The following RGS3 variants were observed in gnomAD, a reference collection of about 807,000 sequenced individuals.
RGS3 encodes regulator of G-protein signalling 3.
Under a neutral mutation model 132.6 loss-of-function variants are expected in RGS3, and 80 were observed. That is an observed-to-expected ratio of 0.60 (90% CI 0.50 to 0.73). RGS3 has a LOEUF of 0.73. Ranked by LOEUF, RGS3 falls within the 30% of genes least tolerant of loss-of-function variation. The pLI is 0.00. For missense variants in RGS3, 1,382 were observed against 1,530.8 expected, an observed-to-expected ratio of 0.90 and a Z score of 1.62; for synonymous variants, 598 against 620.6, an observed-to-expected ratio of 0.96 and a Z score of 0.54.
At chr9:113,575,061 C>A (rs1364532591) in intron 19 of RGS3, among the ~76,000 whole-genome samples, 6 of 152,098 alleles carry the variant, frequency 3.9e-5, no homozygotes, top group Non-Finnish European at 8.8e-5. Context: ...GGAGAAGGGA[C>A]CTGGTGAGGG....
At chr9:113,536,844 A>C (rs1331007460) in exon 19 of RGS3, 4 of 1,614,020 alleles carry the variant, frequency 2.5e-6, no homozygotes, top group Non-Finnish European at 3.4e-6. Context: ...GGAGCAGAAG[A>C]AGAGAGTGTG....
intron 19 of RGS3, among the ~76,000 whole-genome samples, chr9:113,546,801 G>A (rs1833136172): frequency 6.6e-6 from 1 of 152,226 alleles, no homozygotes; most frequent in African/African-American, 2.4e-5. Flanking sequence ...AGCTGCTGCT[G>A]TAGGTTGCGG....
intron 19 of RGS3, chr9:113,542,224 G>T (rs374722990): frequency 1.3e-5 from 2 of 152,220 alleles, no homozygotes; most frequent in Non-Finnish European, 2.9e-5. Context: ...GGAATAGCAC[G>T]TGGAGAGTCC....
intron 1 of RGS3, among the ~76,000 whole-genome samples, chr9:113,446,250 C>G (rs988122719): frequency 2.6e-5 from 4 of 152,004 alleles, no homozygotes; most frequent in Non-Finnish European, 4.4e-5. Context: ...ATTCATTTGT[C>G]CTTGTATATA....
chr9:113,590,949 A>G (rs1451275823), intron 20 of RGS3, among the ~76,000 whole-genome samples: 1 of 152,202 alleles, frequency 6.6e-6, no homozygotes, highest in Non-Finnish European at 1.5e-5. Context: ...TATGATCCTG[A>G]TTTTAGAAAT....
chr9:113,524,815 C>T (rs1366647710), intron 17 of RGS3, among the ~76,000 whole-genome samples: 1 of 152,202 alleles, frequency 6.6e-6, no homozygotes, highest in East Asian at 1.9e-4. Flanking sequence ...CCTCTGGGGG[C>T]CTGGTTGGGG....
chr9:113,576,988 G>A (rs4979259), intron 19 of RGS3, among the ~76,000 whole-genome samples: 140,639 of 152,302 alleles, frequency 0.92, 65,092 homozygotes, highest in East Asian at 1. Flanking sequence ...TTAATTTTTT[G>A]ATTTTTTACT....
chr9:113,568,630 G>A (rs960050218), intron 19 of RGS3, among the ~76,000 whole-genome samples: 7 of 152,240 alleles, frequency 4.6e-5, no homozygotes, highest in South Asian at 2.1e-4. Flanking sequence ...AGGAGCCTTC[G>A]CATGCAAGCT....
At chr9:113,522,214 G>C (rs1181214704) in intron 16 of RGS3, 2 of 152,206 alleles carry the variant, frequency 1.3e-5, no homozygotes, top group African/African-American at 4.8e-5. Flanking sequence ...TAGAGTGTGA[G>C]TAACTGGCTG....
At chr9:113,596,774 C>G (rs1835801819) in exon 25 of RGS3, 1 of 1,609,406 alleles carries the variant, frequency 6.2e-7, no homozygotes, top group Non-Finnish European at 8.5e-7. Flanking sequence ...CCAGGTCAAC[C>G]TGGACTCCTA....
At chr9:113,559,479 G>C (rs868021759) in intron 19 of RGS3, among the ~76,000 whole-genome samples, 1 of 152,220 alleles carries the variant, frequency 6.6e-6, no homozygotes, top group African/African-American at 2.4e-5. Context: ...TCTGTAGGGG[G>C]ACATTTGGTC....
intron 18 of RGS3, among the ~76,000 whole-genome samples, chr9:113,534,664 T>A (rs2118585469): frequency 6.7e-6 from 1 of 148,284 alleles, no homozygotes. Context: ...CAGGCTGGAG[T>A]GCAGTGGCAC....
chr9:113,507,740 G>T lies in RGS3; in HGVS notation c.1437+102G>T. The T allele has an allele frequency of 1.0e-6, 1 of 984,754 alleles. No homozygotes were observed. The highest frequency in any genetic ancestry group is 1.4e-6 in the Non-Finnish European group (1 of 694,612). The allele number at this position is 984,754 out of a possible 1,614,324, so 61.0% of individuals were successfully genotyped here. ...TTGTGTGATGAGCAGCCTGTGAGGG[G>T]CTGCGATGTTGGGCAAGGAGATGGG... On this transcript the variant is annotated intron_variant, in intron 13 of 24. Coordinates refer to ENST00000350696, the Ensembl canonical transcript of RGS3. The surrounding 1 kb of genome is among the most constrained non-coding windows in gnomAD (Gnocchi z 5.0).
At chr9:113,461,800 C>T (rs1001866227) in exon 2 of RGS3, 5 of 1,614,152 alleles carry the variant, frequency 3.1e-6, no homozygotes, top group Admixed American at 1.7e-5. Context: ...CCTCTGGAGC[C>T]CAAGATAGTC....
chr9:113,456,460 C>T (rs1008699911), upstream of RGS3, among the ~76,000 whole-genome samples: 4 of 152,200 alleles, frequency 2.6e-5, no homozygotes, highest in African/African-American at 9.7e-5. Context: ...ATTTCTCAAG[C>T]CAGAATTCCT....
intron 19 of RGS3, among the ~76,000 whole-genome samples, chr9:113,538,729 C>T (rs889615163): frequency 6.6e-6 from 1 of 152,188 alleles, no homozygotes; most frequent in Non-Finnish European, 1.5e-5. Context: ...GCAGTTTGGA[C>T]ACCTCTTCAA....
At chr9:113,487,493 A>C (rs112821728) in intron 7 of RGS3, among the ~76,000 whole-genome samples, 2,045 of 152,280 alleles carry the variant, frequency 0.013, 42 homozygotes, top group African/African-American at 0.047. Flanking sequence ...AAGTTTAGAG[A>C]GGTTAGGAAT....
intron 10 of RGS3, among the ~76,000 whole-genome samples, chr9:113,500,130 C>A (rs777878326): frequency 1.3e-5 from 2 of 152,190 alleles, no homozygotes; most frequent in Admixed American, 1.3e-4. Context: ...AGGCCCTGAG[C>A]CCCTTGTTCT....
chr9:113,555,661 T>G (rs1283144790), intron 19 of RGS3, among the ~76,000 whole-genome samples: 1 of 152,112 alleles, frequency 6.6e-6, no homozygotes. Flanking sequence ...GAGACAGAGT[T>G]TCACCCTGTT....
Sources: allele counts gnomAD v4.1 joint callset (sites outside exome capture counted in the v4.1 genomes callset), GRCh38; gene constraint gnomAD v4.1.1; non-coding constraint Gnocchi (gnomAD v3.1); transcripts MANE v1.5; gene names NCBI Gene and HGNC (gene_info 2026-07-23, HGNC 2026-07-21).